Variants in CDC42EP1 observed in about 807,000 individuals in gnomAD.
CDC42EP1 encodes the protein CDC42 effector protein 1, also known as 55 kDa bone marrow stromal/endothelial cell protein.
CDC42EP1 carries 6 observed loss-of-function variants against 7.4 expected under a neutral mutation model. The ratio of observed to expected loss-of-function variants is 0.81; its 90% CI spans 0.44 to 1.60. The LOEUF (loss-of-function observed/expected upper bound fraction) is 1.60. CDC42EP1 is among the 40% of genes most tolerant of loss of function. The pLI, the probability that CDC42EP1 is intolerant of heterozygous loss-of-function variation, is 0.01. For synonymous variants in CDC42EP1, 238 were observed against 227.1 expected (o/e 1.05, Z -0.43); for missense variants, 567 against 539.0 (o/e 1.05, Z -0.51).
rs1925379312 is a variant in CDC42EP1 at position 37,568,884 on chromosome 22, GT to G, written c.*66del. The G allele has an allele frequency of 2.6e-6, 3 of 1,174,126 alleles. No individual in the cohort carries two copies. The highest frequency in any genetic ancestry group is 3.4e-6 in the Non-Finnish European group (3 of 874,908). 72.7% of individuals were successfully genotyped at this position (1,174,126 alleles called of 1,614,324 possible). A position where few individuals can be genotyped will look rare whatever the true frequency, so the allele number is the denominator to read the frequency against. ...GAGCCGGCCCCTCACCTAACAGCTG[GT>G]TCCTACCAGACCGGAGAGGGGAGAA... is the stretch of plus-strand genomic sequence containing the variant. On this transcript the variant is annotated 3_prime_UTR_variant, in exon 3 of 3. Coordinates refer to ENST00000249014, the MANE Select transcript of CDC42EP1 (RefSeq NM_152243.3).
rs1317881177 is a variant in CDC42EP1 at position 37,569,083 on chromosome 22, CCA to C, written c.*265_*266del. 3.0e-5 allele frequency: 10 copies of C among 327,984 alleles called. No homozygotes were observed. Among genetic ancestry groups the C allele is most frequent in the Non-Finnish European group, 5.0e-5 (9 of 180,896 alleles). The allele number at this position is 327,984 out of a possible 1,614,324, so 20.3% of individuals were successfully genotyped here. ...GCTGTTCCTTAGGCCCCACTCCATG[CCA>C]CCCCCACCAGCTGGAGGACCCAGCC... On this transcript the variant is annotated 3_prime_UTR_variant, in exon 3 of 3. Transcript: ENST00000249014.
At chr22:37,560,617 G>A (rs989893625) in intron 1 of CDC42EP1, 29 bp downstream of exon 1, 7 of 150,776 alleles carry the variant, frequency 4.6e-5, no homozygotes, top group Admixed American at 1.3e-4. Context: ...GGGTCCTCGG[G>A]GCGGAGGCCG....
intron 1 of CDC42EP1, among the ~76,000 whole-genome samples, chr22:37,565,105 G>A (rs1191501859): frequency 3.9e-5 from 6 of 151,946 alleles, no homozygotes; most frequent in East Asian, 1.9e-4. Flanking sequence ...GGGTTTAAAC[G>A]ATGAGGCGGG....
chr22:37,569,055 A>C lies in CDC42EP1; in HGVS notation c.*235A>C. On this transcript the variant is annotated 3_prime_UTR_variant, in exon 3 of 3. Transcript: ENST00000249014. ...TCCCCCGACTGCCACTCTGGACCTA[A>C]TAGCTGTTCCTTAGGCCCCACTCCA... 2.7e-6 allele frequency: 1 copy of C among 373,292 alleles called. No individual in the cohort carries two copies. The highest frequency in any genetic ancestry group is 4.8e-6 in the Non-Finnish European group (1 of 210,190). The allele number at this position is 373,292 out of a possible 1,614,324, so 23.1% of individuals were successfully genotyped here. A position where few individuals can be genotyped will look rare whatever the true frequency, so the allele number is the denominator to read the frequency against.
At chr22:37,563,708 A>C (rs1925126750) in intron 1 of CDC42EP1, 2 of 152,270 alleles carry the variant, frequency 1.3e-5, no homozygotes, top group East Asian at 3.9e-4. Flanking sequence ...AAAAGGAAGA[A>C]GGCTGAGCCG....
chr22:37,562,239 C>T (rs1295994584), intron 1 of CDC42EP1, among the ~76,000 whole-genome samples: 1 of 152,228 alleles, frequency 6.6e-6, no homozygotes, highest in African/African-American at 2.4e-5. Flanking sequence ...TAAATGTCTC[C>T]TTTCTGAGCT....
chr22:37,568,874 C>T lies in CDC42EP1; in HGVS notation c.*54C>T. ...CCTAGGTGCAGAGCCGGCCCCTCAC[C>T]TAACAGCTGGTTCCTACCAGACCGG... On this transcript the variant is annotated 3_prime_UTR_variant, in exon 3 of 3. Transcript: ENST00000249014. 2 of 1,271,494 alleles carry T rather than the reference C, an allele frequency of 1.6e-6. No individual in the cohort carries two copies. Among genetic ancestry groups the T allele is most frequent in the Non-Finnish European group, 1.0e-6 (1 of 957,220 alleles). 78.8% of individuals were successfully genotyped at this position (1,271,494 alleles called of 1,614,324 possible).
At chr22:37,567,847 G>T (rs118144793) in intron 2 of CDC42EP1, among the ~76,000 whole-genome samples, 3 of 152,144 alleles carry the variant, frequency 2.0e-5, no homozygotes, top group Non-Finnish European at 2.9e-5. Flanking sequence ...TAGCTCCTTC[G>T]CCCCATCCCA....
chr22:37,568,406 GCCTGCTGCAAACCCCTCAGCA>G lies in CDC42EP1; in HGVS notation c.768_788del (p.Asn258_Ala264del), dbSNP rs763008855. The stretch of plus-strand genomic sequence containing the variant: ...CAGCCACTACTGCAAACCCCCCAGC[GCCTGCTGCAAACCCCTCAGCA>G]CCTGCCGCAACCCCCACGGGTCCTG... On this transcript the variant is annotated inframe_deletion, in exon 3 of 3. Coordinates refer to ENST00000249014, the MANE Select transcript of CDC42EP1 (RefSeq NM_152243.3). 5.4e-4 allele frequency: 169 copies of G among 314,206 alleles called. 1 individual carries two copies. In the East Asian group the frequency reaches 8.1e-3, roughly 15 times the overall value. 19.5% of individuals were successfully genotyped at this position (314,206 alleles called of 1,614,324 possible).
chr22:37,566,226 T>G lies in CDC42EP1; in HGVS notation c.-124T>G. 1 of 610,514 alleles carries G rather than the reference T, an allele frequency of 1.6e-6. No homozygotes were observed. Among genetic ancestry groups the G allele is most frequent in the Non-Finnish European group, 2.8e-6 (1 of 354,040 alleles). 37.8% of individuals were successfully genotyped at this position (610,514 alleles called of 1,614,324 possible). A position where few individuals can be genotyped will look rare whatever the true frequency, so the allele number is the denominator to read the frequency against. On this transcript the variant is annotated 5_prime_UTR_variant, in exon 2 of 3. It removes the in-frame stop codon of an upstream open reading frame in the 5' UTR. Transcript: ENST00000249014. This position sits in a 1 kb window ranked among gnomAD's most constrained non-coding sequence, Gnocchi z 6.4. ...GCCTCTGCATTTGGGGACCTCACCT[T>G]AGGAGAGTGCCATTTACAGCTTCCG...
rs1925228352 is a variant in CDC42EP1, at chr22:37,566,191, AC to A, written c.-153del. On this transcript the variant is annotated 5_prime_UTR_variant, in exon 2 of 3. An upstream open reading frame in the 5' UTR loses its in-frame stop. Coordinates refer to ENST00000249014, the MANE Select transcript of CDC42EP1 (RefSeq NM_152243.3). This position sits in a 1 kb window ranked among gnomAD's most constrained non-coding sequence, Gnocchi z 6.4. ...GGCCCCTGGGAGAGACGAGCCATGA[AC>A]CCCCCACAGCCTCTGCATTTGGGGA... is the stretch of plus-strand genomic sequence containing the variant. 4.2e-6 allele frequency: 2 copies of A among 481,604 alleles called. No individual in the cohort carries two copies. The highest frequency in any genetic ancestry group is 7.3e-6 in the Non-Finnish European group (2 of 275,118). The allele number at this position is 481,604 out of a possible 1,614,324, so 29.8% of individuals were successfully genotyped here. A position where few individuals can be genotyped will look rare whatever the true frequency, so the allele number is the denominator to read the frequency against.
In CDC42EP1 at chr22:37,568,275, C is replaced by G. The variant is rs754520744; in HGVS notation, c.631C>G (p.Leu211Val). The G allele has an allele frequency of 1.2e-6, 2 of 1,613,688 alleles. No homozygotes were observed. Among genetic ancestry groups the G allele is most frequent in the Non-Finnish European group, 1.7e-6 (2 of 1,179,986 alleles). The change falls in exon 3 of 3, where the codon CTA (leucine) becomes GTA (valine). Residue 211 changes from leucine (L) to valine (V), a missense_variant. Physicochemically the swap from Leu to Val is conservative, Grantham distance 32 (BLOSUM62 1). Coordinates refer to ENST00000249014, the MANE Select transcript of CDC42EP1 (RefSeq NM_152243.3). ...TGGGCCCTCACTCCTCAGCGAGCTG[C>G]TAGGGGTCATGAGCCTCCCAGAAGC... ...DLGPSLLSEL[L>V]GVMSLPEAPA...
At chr22:37,563,650 G>A (rs1372755561) in intron 1 of CDC42EP1, 3 of 152,134 alleles carry the variant, frequency 2.0e-5, no homozygotes, top group Admixed American at 2.0e-4. Flanking sequence ...AACATTAGAA[G>A]GGCAGTATTG....
intron 2 of CDC42EP1, among the ~76,000 whole-genome samples, chr22:37,567,446 G>T (rs993387384): frequency 6.6e-6 from 1 of 152,292 alleles, no homozygotes; most frequent in East Asian, 1.9e-4. Context: ...CACCTTGGCC[G>T]TTCGGTCAGA....
At chr22:37,563,303 G>C (rs1206364951) in intron 1 of CDC42EP1, among the ~76,000 whole-genome samples, 1 of 152,216 alleles carries the variant, frequency 6.6e-6, no homozygotes, top group East Asian at 1.9e-4. Flanking sequence ...CCTTGGACAG[G>C]TCTCCCTTCC....
At chr22:37,561,036 C>T (rs1358441895) in intron 1 of CDC42EP1, among the ~76,000 whole-genome samples, 1 of 152,034 alleles carries the variant, frequency 6.6e-6, no homozygotes, top group African/African-American at 2.4e-5. Context: ...CACCCTGCCC[C>T]CCTCCCCGAC....
At position 37,566,563 on chromosome 22, in the gene CDC42EP1, G is replaced by C; in HGVS notation, c.214G>C (p.Gly72Arg). The change falls in exon 2 of 3, where the codon GGG becomes CGG. Residue 72 changes from glycine (G) to arginine (R), a missense_variant. Coordinates refer to ENST00000249014, the MANE Select transcript of CDC42EP1 (RefSeq NM_152243.3). This position sits in a 1 kb window ranked among gnomAD's most constrained non-coding sequence, Gnocchi z 6.4. Reference sequence around the variant, plus strand: ...CCTCAGCAACCACGGTGGCAGCTCCGGGAGCACCCATCGCTCACCCCGCAG... The same window carrying C: ...CCTCAGCAACCACGGTGGCAGCTCCCGGAGCACCCATCGCTCACCCCGCAG... ...SFLSNHGGSS[G>R]STHRSPRSFL... The C allele has an allele frequency of 1.2e-6, 2 of 1,607,538 alleles. No homozygotes were observed. Among genetic ancestry groups the C allele is most frequent in the Non-Finnish European group, 1.7e-6 (2 of 1,175,452 alleles).
chr22:37,566,379 C>T lies in CDC42EP1; in HGVS notation c.30C>T (p.Ala10=), dbSNP rs763119468. The change falls in exon 2 of 3, where the codon GCC becomes GCT. Residue 10 remains alanine (A), a synonymous_variant. Coordinates refer to ENST00000249014, the MANE Select transcript of CDC42EP1 (RefSeq NM_152243.3). The surrounding 1 kb of genome is among the most constrained non-coding windows in gnomAD (Gnocchi z 6.4). The part of the protein sequence containing the change: MPGPQGGRG[A]ATMSLGKLSP... ...CCGGCCCCCAGGGGGGCAGAGGCGCCGCCACCATGAGCCTGGGCAAGCTCT... is the reference window on the plus strand; with the variant it reads ...CCGGCCCCCAGGGGGGCAGAGGCGCTGCCACCATGAGCCTGGGCAAGCTCT... 8.4e-6 allele frequency: 13 copies of T among 1,555,790 alleles called. No homozygotes were observed. The African/African-American group carries it at 9.5e-5, about 11-fold the overall frequency.
At position 37,560,502 on chromosome 22, in the gene CDC42EP1, C is replaced by T. The variant is rs552447536; in HGVS notation, c.-365C>T. The T allele has an allele frequency of 6.7e-5, 10 of 149,492 alleles. No homozygotes were observed. The highest frequency in any genetic ancestry group is 1.3e-4 in the Non-Finnish European group (9 of 66,924). The allele number at this position is 149,492 out of a possible 1,614,324, so 9.3% of individuals were successfully genotyped here. The stretch of plus-strand genomic sequence containing the variant: ...GGCGCAGACCGGCCCAGCGACTCTC[C>T]CGGGCTGCCAGCCGGGACGCGCGGC... On this transcript the variant is annotated 5_prime_UTR_variant, in exon 1 of 3. Coordinates refer to ENST00000249014, the MANE Select transcript of CDC42EP1 (RefSeq NM_152243.3).
Sources: gnomAD v4.1 joint callset for allele counts (sites outside exome capture counted in the v4.1 genomes callset) on GRCh38, gnomAD v4.1.1 for gene constraint, Gnocchi (gnomAD v3.1) non-coding constraint, MANE v1.5 for transcripts, NCBI Gene and HGNC (gene_info 2026-07-23, HGNC 2026-07-21) for gene names.